ANKDD1B: variants seen among roughly 807,000 people sequenced by gnomAD.
The protein encoded by ANKDD1B is ankyrin repeat and death domain containing 1B, also known as ankyrin repeat and death domain-containing protein 1B.
A neutral mutation model predicts 59.7 loss-of-function variants in ANKDD1B; 57 were observed. The ratio of observed to expected loss-of-function variants is 0.95; its 90% confidence interval spans 0.77 to 1.19. ANKDD1B has a LOEUF of 1.19. Ranked by LOEUF, ANKDD1B falls within the 50% of genes most tolerant of loss-of-function variation. The pLI is 0.00. For missense variants in ANKDD1B, 602 were observed against 641.9 expected (o/e 0.94, Z 0.67); for synonymous variants, 216 against 239.5 (o/e 0.90, Z 0.91).
rs556064620 is a variant in ANKDD1B, at chr5:75,625,848, C to A, written c.496-3C>A. The A allele has an allele frequency of 7.1e-5, 109 of 1,535,652 alleles. No individual in the cohort carries two copies. The highest frequency in any genetic ancestry group is 8.9e-5 in the Non-Finnish European group (102 of 1,146,370). On this transcript the variant is annotated splice_region_variant and splice_polypyrimidine_tract_variant and intron_variant, in intron 4 of 13. Coordinates refer to ENST00000601380, the MANE Select transcript of ANKDD1B (RefSeq NM_001276713.2). Reference sequence around the variant, plus strand: ...TATCTCCCCCACCCCTGGTTCTCTTCAGGATGGAATGAGCGCCCTCCACTT... The same window carrying A: ...TATCTCCCCCACCCCTGGTTCTCTTAAGGATGGAATGAGCGCCCTCCACTT...
intron 5 of ANKDD1B, 56 bp downstream of exon 5, chr5:75,626,011 C>G (rs1330431309): frequency 7.9e-7 from 1 of 1,263,102 alleles, no homozygotes; most frequent in Non-Finnish European, 1.1e-6. Context: ...ATTTCACTTT[C>G]TTCCTGCCTC....
chr5:75,650,461 G>A (rs1774798932), intron 7 of ANKDD1B, among the ~76,000 whole-genome samples: 1 of 152,270 alleles, frequency 6.6e-6, no homozygotes, highest in East Asian at 1.9e-4. Flanking sequence ...AGGGAACATA[G>A]GTCTGCGAAC....
intron 9 of ANKDD1B, among the ~76,000 whole-genome samples, chr5:75,658,932 G>A (rs557710004): frequency 5.3e-5 from 8 of 152,014 alleles, no homozygotes; most frequent in Non-Finnish European, 8.8e-5. Context: ...CTATTAAACG[G>A]TAACTTCCCA....
chr5:75,660,346 T>C (rs750664191), intron 10 of ANKDD1B, among the ~76,000 whole-genome samples: 12 of 152,262 alleles, frequency 7.9e-5, no homozygotes, highest in Non-Finnish European at 1.3e-4. Flanking sequence ...AATCACATAG[T>C]ATTTGCCTTT....
intron 5 of ANKDD1B, among the ~76,000 whole-genome samples, chr5:75,631,313 T>C (rs1774149214): frequency 1.3e-5 from 2 of 152,244 alleles, no homozygotes; most frequent in African/African-American, 2.4e-5. Flanking sequence ...TTTGCCTCTG[T>C]GTCCTTGCAA....
In ANKDD1B at chr5:75,659,308, C is replaced by T; in HGVS notation, c.1022C>T (p.Ala341Val). The T allele has an allele frequency of 6.5e-7, 1 of 1,536,068 alleles. No homozygotes were observed. Among genetic ancestry groups the T allele is most frequent in the South Asian group, 1.2e-5 (1 of 84,058 alleles). ...NQKQQTPLHV[A>V]ADRGNVELVE... is the part of the protein sequence containing the mutation. ...AAGCAGCAAACCCCTCTGCATGTAG[C>T]TGCTGATCGTGGAAATGTGGAACTG... is the stretch of plus-strand genomic sequence containing the variant. The change falls in exon 10 of 14, where the codon GCT (alanine) becomes GTT (valine). Residue 341 changes from alanine (A) to valine (V), a missense_variant. Ala to Val is a moderately conservative substitution (Grantham distance 64). Around this residue, in one of 3 missense-constraint regions of ANKDD1B, gnomAD observed 280 missense variants for 319.8 expected, o/e 0.88. Coordinates refer to ENST00000601380, the MANE Select transcript of ANKDD1B (RefSeq NM_001276713.2).
At chr5:75,631,562 G>A (rs1367544367) in intron 5 of ANKDD1B, among the ~76,000 whole-genome samples, 1 of 152,124 alleles carries the variant, frequency 6.6e-6, no homozygotes, top group Non-Finnish European at 1.5e-5. Flanking sequence ...TATTCTTGTG[G>A]GGCATGAGCC....
intron 7 of ANKDD1B, among the ~76,000 whole-genome samples, chr5:75,648,367 G>T (rs1466402196): frequency 4.0e-5 from 6 of 151,174 alleles, no homozygotes; most frequent in Admixed American, 2.6e-4. Context: ...GTGCCTCCTT[G>T]TCCCCAGTCG....
At chr5:75,663,341 G>GCTC in intron 10 of ANKDD1B, 53 bp from the exon 11 acceptor site, 1 of 1,327,656 alleles carries the variant, frequency 7.5e-7, no homozygotes, top group South Asian at 1.3e-5. Context: ...CAAAACTAGA[G>GCTC]CTCCTAATCA....
At chr5:75,669,063 G>GCACC (rs1775396963) in intron 12 of ANKDD1B, among the ~76,000 whole-genome samples, 189 bp from the exon 13 acceptor site, 1 of 152,206 alleles carries the variant, frequency 6.6e-6, no homozygotes, top group Non-Finnish European at 1.5e-5. Flanking sequence ...CAGGTGCATA[G>GCACC]CACAGGCTGG....
intron 7 of ANKDD1B, among the ~76,000 whole-genome samples, chr5:75,651,157 C>T (rs1774818998): frequency 6.6e-6 from 1 of 152,162 alleles, no homozygotes; most frequent in African/African-American, 2.4e-5. Context: ...ACAGGGTCGA[C>T]CCAGATTCAA....
intron 10 of ANKDD1B, among the ~76,000 whole-genome samples, chr5:75,661,879 C>A (rs1349726613): frequency 1.8e-5 from 2 of 113,488 alleles, no homozygotes; most frequent in South Asian, 2.8e-4. Context: ...TAAAAAATAT[C>A]TTTTCTATTG....
chr5:75,667,533 A>G (rs1315184867), intron 12 of ANKDD1B, among the ~76,000 whole-genome samples: 2 of 152,178 alleles, frequency 1.3e-5, no homozygotes, highest in Non-Finnish European at 2.9e-5. Flanking sequence ...CACGGCAAAT[A>G]CAGACTCAGA....
Position 75,611,639 on chromosome 5 carries a change from A to C in ANKDD1B, c.5A>C (p.Asp2Ala). The change falls in exon 1 of 14, where the codon GAC (aspartate) becomes GCC (alanine). Residue 2 changes from aspartate to alanine, a missense_variant. Asp to Ala is a moderately radical substitution (Grantham distance 126). Coordinates refer to ENST00000601380, the MANE Select transcript of ANKDD1B (RefSeq NM_001276713.2). M[D>A]PAGRARGQGA... ...TCAGGGCCCGCGGAGGAGACTATGG[A>C]CCCCGCCGGGCGCGCCCGGGGCCAA... 1 of 1,229,018 alleles carries C rather than the reference A, an allele frequency of 8.1e-7. No individual in the cohort carries two copies. Among genetic ancestry groups the C allele is most frequent in the Non-Finnish European group, 1.0e-6 (1 of 987,108 alleles). 76.1% of individuals were successfully genotyped at this position (1,229,018 alleles called of 1,614,324 possible).
intron 5 of ANKDD1B, among the ~76,000 whole-genome samples, chr5:75,632,917 A>G (rs929935539): frequency 6.6e-6 from 1 of 152,214 alleles, no homozygotes; most frequent in African/African-American, 2.4e-5. Flanking sequence ...TAGGCGCTCA[A>G]CAATTGTTGA....
chr5:75,618,297 G>A (rs1200038162), intron 2 of ANKDD1B, among the ~76,000 whole-genome samples: 2 of 152,120 alleles, frequency 1.3e-5, no homozygotes, highest in East Asian at 3.8e-4. Flanking sequence ...AGTAAGTGAA[G>A]CAATAATCAC....
intron 7 of ANKDD1B, among the ~76,000 whole-genome samples, chr5:75,642,172 C>A (rs1774487088): frequency 6.6e-6 from 1 of 152,098 alleles, no homozygotes; most frequent in South Asian, 2.1e-4. Context: ...TGAGTTGATT[C>A]CCACTGAAGT....
At chr5:75,667,312 A>G (rs116615814) in intron 12 of ANKDD1B, among the ~76,000 whole-genome samples, 5,021 of 152,342 alleles carry the variant, frequency 0.033, 106 homozygotes, top group Non-Finnish European at 0.047. Context: ...GAAGCAAGCA[A>G]GGATTTAACA....
At chr5:75,612,318 GCCCC>G (rs757100948) in intron 1 of ANKDD1B, among the ~76,000 whole-genome samples, 1 of 99,570 alleles carries the variant, frequency 1.0e-5, no homozygotes, top group Non-Finnish European at 2.1e-5. Context: ...GTCTGCCCCC[GCCCC>G]CCCCCGCCCT....
Sources: allele counts gnomAD v4.1 joint callset (sites outside exome capture counted in the v4.1 genomes callset), GRCh38; gene constraint gnomAD v4.1.1; regional missense constraint gnomAD v4.1.1; transcripts MANE v1.5; gene names NCBI Gene and HGNC (gene_info 2026-07-23, HGNC 2026-07-21).